Variants in NEO1 observed in about 807,000 individuals in gnomAD.
NEO1 encodes the protein neogenin.
Under a neutral mutation model 159.7 loss-of-function variants are expected in NEO1, and 63 were observed. That is an observed-to-expected ratio of 0.39 (90% CI 0.32 to 0.49). The LOEUF (loss-of-function observed/expected upper bound fraction) is 0.49, where lower values mean the gene tolerates loss of function less well. NEO1 is among the 20% of genes least tolerant of loss of function. The pLI is 0.85. For synonymous variants in NEO1, 633 were observed against 662.0 expected, an observed-to-expected ratio of 0.96 and a Z score of 0.67; for missense variants, 1,615 against 1,831.0, an observed-to-expected ratio of 0.88 and a Z score of 2.15.
At chr15:73,158,208 CTTT>C (rs1047852394) in intron 5 of NEO1, among the ~76,000 whole-genome samples, 11 of 82,550 alleles carry the variant, frequency 1.3e-4, no homozygotes, top group African/African-American at 4.0e-4. Flanking sequence ...GAGTGAGACT[CTTT>C]TTTTTTTTTT....
At chr15:73,273,744 T>C (rs756180811) in intron 19 of NEO1, 67 bp from the exon 20 acceptor site, 47 of 1,174,918 alleles carry the variant, frequency 4.0e-5, no homozygotes, top group Non-Finnish European at 5.3e-5. Flanking sequence ...TAGGTACTTA[T>C]TGATTTACTG....
intron 21 of NEO1, 39 bp from the exon 22 acceptor site, chr15:73,278,092 T>C (rs775271387): frequency 6.3e-7 from 1 of 1,577,170 alleles, no homozygotes; most frequent in Non-Finnish European, 8.7e-7. Flanking sequence ...TCACGCCAAA[T>C]GTGTGGGGTC....
chr15:73,075,210 G>T (rs767329623), intron 1 of NEO1, among the ~76,000 whole-genome samples: 1 of 152,136 alleles, frequency 6.6e-6, no homozygotes, highest in Non-Finnish European at 1.5e-5. Flanking sequence ...TAAATAGAAC[G>T]TCCAGCAGCC....
intron 8 of NEO1, among the ~76,000 whole-genome samples, chr15:73,242,196 T>G (rs2039523510): frequency 6.6e-6 from 1 of 152,128 alleles, no homozygotes; most frequent in South Asian, 2.1e-4. Context: ...TCAGAGAGCC[T>G]TTAGTTTAGT....
At position 73,236,201 on chromosome 15, in the gene NEO1, CTTTTTTG is replaced by C. The variant is rs1374121033; in HGVS notation, c.1292-132_1292-126del. ...TTTCCCATCGTGGTTTTGTTTATTTCTTTTTTGTTTTTTGTTTTTTCTGTTCTCTTTT... is the reference window on the plus strand; with the variant it reads ...TTTCCCATCGTGGTTTTGTTTATTTCTTTTTTGTTTTTTCTGTTCTCTTTT... On this transcript the variant is annotated intron_variant, in intron 7 of 28. Coordinates refer to ENST00000261908, the MANE Select transcript of NEO1 (RefSeq NM_002499.4). 124 of 1,096,482 alleles carry C rather than the reference CTTTTTTG, an allele frequency of 1.1e-4. 1 individual carries two copies. In the Middle Eastern group the frequency reaches 1.2e-3, roughly 11 times the overall value. 67.9% of individuals were successfully genotyped at this position (1,096,482 alleles called of 1,614,324 possible).
At chr15:73,166,715 A>G (rs1411087283) in intron 5 of NEO1, among the ~76,000 whole-genome samples, 1 of 152,176 alleles carries the variant, frequency 6.6e-6, no homozygotes, top group Non-Finnish European at 1.5e-5. Flanking sequence ...GGATCAGCAG[A>G]AAAGAATATT....
intron 5 of NEO1, among the ~76,000 whole-genome samples, chr15:73,164,019 A>ATTTTTTTTTTTTTCTT (rs2034381151): frequency 8.1e-6 from 1 of 123,684 alleles, no homozygotes; most frequent in Admixed American, 8.7e-5. Flanking sequence ...TCTTTTTCTT[A>ATTTTTTTTTTTTTCTT]TTTTTTTTTT....
intron 1 of NEO1, among the ~76,000 whole-genome samples, chr15:73,057,979 G>A (rs1025037743): frequency 6.6e-6 from 1 of 152,066 alleles, no homozygotes; most frequent in Non-Finnish European, 1.5e-5. Flanking sequence ...AAACCCATAA[G>A]TAACCCCTTT....
rs144755818 is a variant in NEO1 at position 73,126,064 on chromosome 15, A to G, written c.725-353A>G. 2.9e-3 allele frequency among the ~76,000 whole-genome samples: 449 copies of G among 152,268 alleles called. 2 individuals carry two copies. The highest frequency in any genetic ancestry group is 0.01 in the African/African-American group (426 of 41,544). ...GAGCAATAAGTTATACATCCTTAAG[A>G]CCCCTAAAGAGCCTAGCACAATGCT... is the stretch of plus-strand genomic sequence containing the variant. On this transcript the variant is annotated intron_variant, in intron 3 of 28. Transcript: ENST00000261908.
intron 9 of NEO1, among the ~76,000 whole-genome samples, chr15:73,245,209 A>G (rs370165189): frequency 2.0e-5 from 3 of 152,024 alleles, no homozygotes; most frequent in Non-Finnish European, 4.4e-5. Context: ...TCATCCTTAC[A>G]TTTCCCACAG....
At chr15:73,281,493 G>C (rs1355467362) in intron 22 of NEO1, among the ~76,000 whole-genome samples, 1 of 152,014 alleles carries the variant, frequency 6.6e-6, no homozygotes, top group African/African-American at 2.4e-5. Context: ...CTGACCTCGT[G>C]ATCCACCCGC....
intron 10 of NEO1, 145 bp from the exon 11 acceptor site, chr15:73,249,438 A>G: frequency 2.0e-6 from 2 of 990,348 alleles, no homozygotes; most frequent in Non-Finnish European, 2.9e-6. Flanking sequence ...TTTATGATTC[A>G]TCTGCTTTGA....
chr15:73,179,556 A>G (rs1317672071), intron 7 of NEO1, among the ~76,000 whole-genome samples: 1 of 152,206 alleles, frequency 6.6e-6, no homozygotes, highest in Non-Finnish European at 1.5e-5. Context: ...CACTAGAACC[A>G]GGAAGGAAAC....
intron 25 of NEO1, among the ~76,000 whole-genome samples, chr15:73,291,710 A>C (rs928849154): frequency 3.3e-5 from 5 of 152,218 alleles, no homozygotes; most frequent in African/African-American, 1.2e-4. Flanking sequence ...GTTCAGAGTC[A>C]GCTAACAGCT....
chr15:73,118,126 A>G (rs1024085552), intron 2 of NEO1, among the ~76,000 whole-genome samples: 7 of 152,078 alleles, frequency 4.6e-5, no homozygotes, highest in Non-Finnish European at 7.4e-5. Flanking sequence ...CTGTCCCCCC[A>G]TATACTATCA....
chr15:73,056,806 T>C (rs779508644), intron 1 of NEO1, among the ~76,000 whole-genome samples: 3 of 152,348 alleles, frequency 2.0e-5, no homozygotes, highest in South Asian at 4.1e-4. Flanking sequence ...AGCGTTTTTT[T>C]AGTTTTGTCA....
rs71137336 is a variant in NEO1, at chr15:73,222,091, A to ATTTTTTTTTTTTTTTTTTTT, written c.1292-14244_1292-14225dup. ...ATCTTCACTCCTCCCCCTGTTGGTA[A>ATTTTTTTTTTTTTTTTTTTT]TTTTTTTTTTTTTTTTTTTTTTTTT... On this transcript the variant is annotated intron_variant, in intron 7 of 28. Coordinates refer to ENST00000261908, the MANE Select transcript of NEO1 (RefSeq NM_002499.4). 8 of 53,050 alleles carry ATTTTTTTTTTTTTTTTTTTT rather than the reference A, an allele frequency of 1.5e-4. 2 individuals are homozygous for ATTTTTTTTTTTTTTTTTTTT. Among genetic ancestry groups the ATTTTTTTTTTTTTTTTTTTT allele is most frequent in the Non-Finnish European group, 1.0e-4 (3 of 30,000 alleles). 3.3% of individuals were successfully genotyped at this position (53,050 alleles called of 1,614,324 possible).
chr15:73,128,009 C>G (rs1029620102), intron 4 of NEO1, among the ~76,000 whole-genome samples: 2 of 152,096 alleles, frequency 1.3e-5, no homozygotes, highest in Admixed American at 1.3e-4. Context: ...AGGTATCTAT[C>G]TAGTTATCTG....
At chr15:73,288,202 C>CT in intron 23 of NEO1, 111 bp from the exon 24 acceptor site, 1 of 1,031,332 alleles carries the variant, frequency 9.7e-7, no homozygotes, top group Non-Finnish European at 1.4e-6. Flanking sequence ...TTAGTTTTTG[C>CT]TTTTTTTGCT....
Sources: gnomAD v4.1 joint callset for allele counts (sites outside exome capture counted in the v4.1 genomes callset) on GRCh38, gnomAD v4.1.1 for gene constraint, MANE v1.5 for transcripts, NCBI Gene and HGNC (gene_info 2026-07-23, HGNC 2026-07-21) for gene names.